Variants in SH3D19 observed in about 807,000 individuals in gnomAD.
SH3D19 encodes SH3 domain containing 19, also known as SH3 domain-containing protein 19.
In SH3D19, 58 loss-of-function variants were observed where a neutral mutation model predicts 112.1. The observed-to-expected ratio is 0.52, with a 90% confidence interval of 0.42 to 0.64. The LOEUF is 0.64. SH3D19 is among the 30% of genes least tolerant of loss of function. SH3D19 has a pLI of 0.00. For missense variants in SH3D19, 1,090 were observed against 1,263.4 expected, an observed-to-expected ratio of 0.86 and a Z score of 2.08; for synonymous variants, 391 against 448.5, an observed-to-expected ratio of 0.87 and a Z score of 1.62.
chr4:151,163,397 A>C (rs1454185767), intron 8 of SH3D19, among the ~76,000 whole-genome samples: 2 of 152,154 alleles, frequency 1.3e-5, no homozygotes, highest in Non-Finnish European at 2.9e-5. Context: ...TTTCTGTAAA[A>C]GTTGTATTAC....
chr4:151,274,131 A>T (rs1299287626), intron 1 of SH3D19, among the ~76,000 whole-genome samples: 2 of 152,196 alleles, frequency 1.3e-5, no homozygotes, highest in Non-Finnish European at 2.9e-5. Context: ...GTAGTAGTAG[A>T]TTTTCATCCC....
intron 2 of SH3D19, among the ~76,000 whole-genome samples, chr4:151,208,919 C>T (rs1561345334): frequency 6.6e-6 from 1 of 151,878 alleles, no homozygotes; most frequent in Non-Finnish European, 1.5e-5. Context: ...CCTTGTGATC[C>T]GCCCGCCTCA....
chr4:151,268,482 G>A lies in SH3D19; in HGVS notation c.113-42396C>T, dbSNP rs999504687. ...ATACTTTAAGTTTTAGGGTACATGT[G>A]CACAATGTGCAGGTTAGTTACATAT... On this transcript the variant is annotated intron_variant, in intron 1 of 19. Transcript: ENST00000604030. Among the ~76,000 whole-genome samples the A allele has an allele frequency of 4.2e-4, 64 of 151,638 alleles. 1 individual carries two copies. Among genetic ancestry groups the A allele is most frequent in the African/African-American group, 1.5e-3 (61 of 41,332 alleles).
intron 17 of SH3D19, 80 bp downstream of exon 17, chr4:151,132,251 C>A: frequency 8.8e-7 from 1 of 1,137,456 alleles, no homozygotes. Context: ...ATACTATATT[C>A]TCTTGAAAAT....
chr4:151,245,463 C>T (rs1770874961), intron 1 of SH3D19, among the ~76,000 whole-genome samples: 2 of 152,192 alleles, frequency 1.3e-5, no homozygotes, highest in Non-Finnish European at 2.9e-5. Flanking sequence ...TTAATGGCAA[C>T]TGTGCCCAGA....
chr4:151,135,598 T>C (rs189139297), intron 14 of SH3D19, among the ~76,000 whole-genome samples: 1 of 152,012 alleles, frequency 6.6e-6, no homozygotes, highest in Non-Finnish European at 1.5e-5. Context: ...CGGCAAATTT[T>C]TGTATTTTTA....
intron 1 of SH3D19, among the ~76,000 whole-genome samples, chr4:151,264,563 T>G (rs928613100): frequency 1.3e-5 from 2 of 152,110 alleles, no homozygotes; most frequent in Non-Finnish European, 2.9e-5. Context: ...TCTTGAAGGC[T>G]GTCTTCACAA....
At chr4:151,321,014 C>T (rs56347427) in intron 1 of SH3D19, among the ~76,000 whole-genome samples, 46,245 of 152,086 alleles carry the variant, frequency 0.3, 7,426 homozygotes, top group East Asian at 0.37. Context: ...GCACTCCAGC[C>T]TGGGCAACAG....
intron 1 of SH3D19, among the ~76,000 whole-genome samples, chr4:151,277,856 C>T (rs1007677047): frequency 4.1e-4 from 63 of 152,270 alleles, no homozygotes; most frequent in African/African-American, 1.4e-3. Flanking sequence ...GCCTGGGCAA[C>T]ATGGTGAAAC....
chr4:151,258,881 C>T (rs1171810839), intron 1 of SH3D19, among the ~76,000 whole-genome samples: 1 of 152,084 alleles, frequency 6.6e-6, no homozygotes, highest in Non-Finnish European at 1.5e-5. Flanking sequence ...AGGACAGAGA[C>T]ACGGGCACTG....
intron 1 of SH3D19, among the ~76,000 whole-genome samples, chr4:151,313,173 C>A (rs1376894885): frequency 6.6e-6 from 1 of 151,552 alleles, no homozygotes; most frequent in Non-Finnish European, 1.5e-5. Flanking sequence ...TCCAGGTGAT[C>A]TGTAGGCAGA....
intron 2 of SH3D19, among the ~76,000 whole-genome samples, chr4:151,213,783 C>T (rs901602186): frequency 5.3e-5 from 8 of 151,642 alleles, no homozygotes; most frequent in African/African-American, 1.7e-4. Flanking sequence ...AGGCTCAGGG[C>T]TTAGCTAATC....
intron 1 of SH3D19, among the ~76,000 whole-genome samples, chr4:151,316,456 T>G (rs1018533471): frequency 3.3e-5 from 5 of 152,186 alleles, no homozygotes; most frequent in Non-Finnish European, 7.3e-5. Context: ...ATTAGTTCAT[T>G]AATTGTGATG....
intron 1 of SH3D19, among the ~76,000 whole-genome samples, chr4:151,302,031 C>G (rs1728473975): frequency 6.6e-6 from 1 of 152,082 alleles, no homozygotes; most frequent in Non-Finnish European, 1.5e-5. Flanking sequence ...TTTGTTGTTC[C>G]CAATGATTCA....
intron 8 of SH3D19, among the ~76,000 whole-genome samples, chr4:151,160,245 C>T (rs1579867599): frequency 6.6e-6 from 1 of 152,016 alleles, no homozygotes; most frequent in East Asian, 1.9e-4. Flanking sequence ...CGCCACCACG[C>T]CTGCCTAATT....
intron 1 of SH3D19, among the ~76,000 whole-genome samples, chr4:151,246,076 T>TGG: frequency 6.6e-6 from 1 of 151,990 alleles, no homozygotes; most frequent in African/African-American, 2.4e-5. Context: ...ATAAAGTATT[T>TGG]CCCTGGTGGC....
At chr4:151,215,602 G>A (rs1286990271) in intron 2 of SH3D19, among the ~76,000 whole-genome samples, 3 of 152,172 alleles carry the variant, frequency 2.0e-5, no homozygotes, top group Admixed American at 6.5e-5. Flanking sequence ...TGCCTTAAAT[G>A]TTGCTGCATT....
intron 2 of SH3D19, among the ~76,000 whole-genome samples, chr4:151,206,132 G>T (rs1473149149): frequency 2.0e-5 from 3 of 152,186 alleles, no homozygotes; most frequent in African/African-American, 4.8e-5. Flanking sequence ...AAGCAACGGT[G>T]GAGGAAAGGG....
intron 15 of SH3D19, 125 bp from the exon 16 acceptor site, chr4:151,133,361 A>T: frequency 1.4e-6 from 1 of 732,028 alleles, no homozygotes; most frequent in Non-Finnish European, 2.2e-6. Context: ...TACTAGGCTA[A>T]TTTGAAATTA....
Sources: allele counts gnomAD v4.1 joint callset (sites outside exome capture counted in the v4.1 genomes callset), GRCh38; gene constraint gnomAD v4.1.1; transcripts MANE v1.5; gene names NCBI Gene and HGNC (gene_info 2026-07-23, HGNC 2026-07-21).